RAB6A: variants seen among roughly 807,000 people sequenced by gnomAD.
RAB6A encodes the protein RAB6A, member RAS oncogene family.
In RAB6A, 8 loss-of-function variants were observed where a neutral mutation model predicts 32.3. The observed-to-expected ratio is 0.25, with a 90% CI of 0.15 to 0.45. RAB6A has a LOEUF of 0.45. RAB6A is among the 20% of genes least tolerant of loss of function. The pLI is 1.00. For missense variants in RAB6A, 104 were observed against 249.4 expected (o/e 0.42, Z 3.93); for synonymous variants, 73 against 82.1 (o/e 0.89, Z 0.60).
At chr11:73,716,109 G>A in intron 5 of RAB6A, 142 bp downstream of exon 5, 1 of 553,966 alleles carries the variant, frequency 1.8e-6, no homozygotes, top group Non-Finnish European at 3.1e-6. Flanking sequence ...TATATTTGAG[G>A]TTCCCATGCT....
At chr11:73,718,586 T>G in intron 4 of RAB6A, 27 bp downstream of exon 4, 1 of 1,559,488 alleles carries the variant, frequency 6.4e-7, no homozygotes, top group Non-Finnish European at 8.8e-7. Flanking sequence ...GAAAGAAGAT[T>G]AGAAATGCAT....
intron 6 of RAB6A, among the ~76,000 whole-genome samples, chr11:73,697,493 G>A (rs1443872267): frequency 6.6e-6 from 1 of 151,964 alleles, no homozygotes; most frequent in African/African-American, 2.4e-5. Flanking sequence ...GATTACAGGT[G>A]AGCACCACCA....
chr11:73,733,726 C>T (rs1010376851), intron 1 of RAB6A, among the ~76,000 whole-genome samples: 1 of 151,834 alleles, frequency 6.6e-6, no homozygotes, highest in Non-Finnish European at 1.5e-5. Context: ...AGAATATATA[C>T]TCTGTAATTC....
intron 6 of RAB6A, among the ~76,000 whole-genome samples, chr11:73,686,887 C>G (rs1162362711): frequency 1.3e-5 from 2 of 151,840 alleles, no homozygotes; most frequent in Non-Finnish European, 2.9e-5. Context: ...AGTATATATT[C>G]AAAAGAATTG....
chr11:73,744,263 G>A (rs1389111960), intron 1 of RAB6A, among the ~76,000 whole-genome samples: 2 of 151,202 alleles, frequency 1.3e-5, no homozygotes, highest in African/African-American at 2.4e-5. Context: ...GCGTGAACTC[G>A]GGAGGTGGAG....
At chr11:73,753,157 G>A (rs1251809200) in intron 1 of RAB6A, among the ~76,000 whole-genome samples, 2 of 152,110 alleles carry the variant, frequency 1.3e-5, no homozygotes, top group African/African-American at 4.8e-5. Flanking sequence ...GGCTGAGGTG[G>A]GAGGATCACT....
chr11:73,677,958 A>T lies in RAB6A; in HGVS notation c.567T>A (p.Ile189=). ...STQDRSREDM[I]DIKLEKPQEQ... Reference sequence around the variant, plus strand: ...CCTGAGGCTTTTCCAGTTTTATGTCAATCACTGAAACAAAAGTTAAGAAGC... The same window carrying T: ...CCTGAGGCTTTTCCAGTTTTATGTCTATCACTGAAACAAAAGTTAAGAAGC... The change falls in exon 8 of 8, where the codon ATT becomes ATA. Residue 189 remains isoleucine (I), a synonymous_variant. Coordinates refer to ENST00000336083, the MANE Select transcript of RAB6A (RefSeq NM_198896.2). 1 of 1,614,188 alleles carries T rather than the reference A, an allele frequency of 6.2e-7. No individual in the cohort carries two copies. The highest frequency in any genetic ancestry group is 8.5e-7 in the Non-Finnish European group (1 of 1,180,016).
chr11:73,753,890 C>T (rs1040091357), intron 1 of RAB6A, among the ~76,000 whole-genome samples: 3 of 152,132 alleles, frequency 2.0e-5, no homozygotes, highest in Admixed American at 6.6e-5. Flanking sequence ...CCTGATAAAA[C>T]GTAAATTCCT....
Position 73,760,709 on chromosome 11 carries a change from A to T in RAB6A, c.-74T>A, listed in dbSNP as rs1274078717. The T allele has an allele frequency of 6.5e-7, 1 of 1,544,524 alleles. No individual in the cohort carries two copies. Among genetic ancestry groups the T allele is most frequent in the East Asian group, 2.4e-5 (1 of 41,304 alleles). On this transcript the variant is annotated 5_prime_UTR_variant, in exon 1 of 8. Coordinates refer to ENST00000336083, the MANE Select transcript of RAB6A (RefSeq NM_198896.2). ...CCGATGCTGCTCCAGCCAGCTGACG[A>T]AAAAGGCGAGCGGAAGGGCGGGCAC...
chr11:73,711,127 G>A (rs941995380), intron 5 of RAB6A, among the ~76,000 whole-genome samples: 5 of 152,120 alleles, frequency 3.3e-5, no homozygotes, highest in African/African-American at 1.2e-4. Flanking sequence ...CAAACTCTGC[G>A]GGCACCACCA....
At chr11:73,708,425 T>C (rs1945885302) in intron 5 of RAB6A, among the ~76,000 whole-genome samples, 1 of 152,204 alleles carries the variant, frequency 6.6e-6, no homozygotes, top group African/African-American at 2.4e-5. Flanking sequence ...CATCTCAGCC[T>C]ACCAAAGTGC....
At chr11:73,759,255 C>T (rs1320673298) in intron 1 of RAB6A, among the ~76,000 whole-genome samples, 1 of 152,094 alleles carries the variant, frequency 6.6e-6, no homozygotes, top group Non-Finnish European at 1.5e-5. Context: ...TAAAGATGGG[C>T]ATGCAAAGTA....
intron 1 of RAB6A, among the ~76,000 whole-genome samples, chr11:73,752,269 C>A (rs1160850396): frequency 2.0e-5 from 3 of 152,084 alleles, no homozygotes; most frequent in African/African-American, 7.2e-5. Context: ...ACCAGTCTGA[C>A]AAACAGTGAA....
chr11:73,695,303 T>A (rs1452069841), intron 6 of RAB6A, among the ~76,000 whole-genome samples: 9 of 151,736 alleles, frequency 5.9e-5, no homozygotes, highest in Non-Finnish European at 2.9e-5. Context: ...GAATCACAAA[T>A]GACTAAGTAT....
At chr11:73,744,747 C>T (rs1221484664) in intron 1 of RAB6A, among the ~76,000 whole-genome samples, 2 of 151,988 alleles carry the variant, frequency 1.3e-5, no homozygotes, top group Admixed American at 6.6e-5. Flanking sequence ...GAGGCCGAGG[C>T]GGGCAGGTCA....
intron 1 of RAB6A, among the ~76,000 whole-genome samples, chr11:73,739,599 T>C (rs1946463435): frequency 6.6e-6 from 1 of 151,428 alleles, no homozygotes; most frequent in Admixed American, 6.6e-5. Context: ...ACCTCTAAGG[T>C]TGATTATTAA....
chr11:73,756,183 T>C (rs34235412), intron 1 of RAB6A, among the ~76,000 whole-genome samples: 3,245 of 151,198 alleles, frequency 0.021, 48 homozygotes, highest in Middle Eastern at 0.045. Context: ...TAAAATCCCA[T>C]CTCTACAAAA....
At chr11:73,729,610 T>C (rs1946274543) in intron 2 of RAB6A, 1 of 152,230 alleles carries the variant, frequency 6.6e-6, no homozygotes, top group Non-Finnish European at 1.5e-5. Flanking sequence ...ACTTCTGTAT[T>C]AAGCATGTCT....
chr11:73,743,258 T>C (rs1946528348), intron 1 of RAB6A, among the ~76,000 whole-genome samples: 1 of 148,942 alleles, frequency 6.7e-6, no homozygotes. Flanking sequence ...TGACCCAAGA[T>C]TGCGCCACCG....
Sources: gnomAD v4.1 joint callset for allele counts (sites outside exome capture counted in the v4.1 genomes callset) on GRCh38, gnomAD v4.1.1 for gene constraint, MANE v1.5 for transcripts, NCBI Gene and HGNC (gene_info 2026-07-23, HGNC 2026-07-21) for gene names.